Variants in GSTCD observed in about 807,000 individuals in gnomAD.
The protein encoded by GSTCD is glutathione S-transferase C-terminal domain containing.
Under a neutral mutation model 68.3 loss-of-function variants are expected in GSTCD, and 44 were observed. That is an observed-to-expected ratio of 0.64 (90% CI 0.51 to 0.83). The LOEUF is 0.83. GSTCD is among the 40% of genes least tolerant of loss of function. GSTCD has a pLI of 0.00. For missense variants in GSTCD, 739 were observed against 735.9 expected (o/e 1.00, Z -0.05); for synonymous variants, 273 against 255.2 (o/e 1.07, Z -0.67).
intron 5 of GSTCD, among the ~76,000 whole-genome samples, chr4:105,798,549 G>A (rs189354402): frequency 4.6e-5 from 7 of 152,284 alleles, no homozygotes; most frequent in Non-Finnish European, 8.8e-5. Context: ...ACCATGAGCT[G>A]CAGAATGGAT....
rs755995154 is a variant in GSTCD, at chr4:105,717,847, G to T, written c.234G>T (p.Arg78Ser). The T allele has an allele frequency of 2.5e-6, 4 of 1,614,062 alleles. No homozygotes were observed. The highest frequency in any genetic ancestry group is 3.4e-6 in the Non-Finnish European group (4 of 1,179,966). ...IQDVEIQIISRQELPPIVQNC... is the reference protein window; with the variant it reads ...IQDVEIQIISSQELPPIVQNC... ...ATGTTGAAATACAGATTATTTCAAG[G>T]CAGGAGCTCCCACCAATAGTCCAAA... is the stretch of plus-strand genomic sequence containing the variant. Residue 78 changes from arginine to serine, a missense_variant, in exon 2 of 12, where the codon AGG (arginine) becomes AGT (serine). Coordinates refer to ENST00000515279, the MANE Select transcript of GSTCD (RefSeq NM_001370181.1).
At chr4:105,777,739 G>T (rs1735124829) in intron 5 of GSTCD, among the ~76,000 whole-genome samples, 1 of 152,160 alleles carries the variant, frequency 6.6e-6, no homozygotes, top group Admixed American at 6.6e-5. Context: ...GCAAAATGGG[G>T]ATGTTAGTAA....
rs938396529 is a variant in GSTCD, at chr4:105,763,127, A to G, written c.1240+33628A>G. On this transcript the variant is annotated intron_variant, in intron 5 of 11. Transcript: ENST00000515279. ...TGGCTCATCAACTTGGAAATTTCACATAAGTAGATCAGAATTTAAGAGTGC... is the reference window on the plus strand; with the variant it reads ...TGGCTCATCAACTTGGAAATTTCACGTAAGTAGATCAGAATTTAAGAGTGC... 8.5e-5 allele frequency among the ~76,000 whole-genome samples: 13 copies of G among 152,202 alleles called. 1 individual carries two copies. Among genetic ancestry groups the G allele is most frequent in the Admixed American group, 8.5e-4 (13 of 15,266 alleles).
intron 5 of GSTCD, among the ~76,000 whole-genome samples, chr4:105,770,340 T>G (rs1053155315): frequency 6.6e-6 from 1 of 151,012 alleles, no homozygotes; most frequent in Non-Finnish European, 1.5e-5. Flanking sequence ...TAACAAAAAT[T>G]AACTGTCTGT....
At chr4:105,798,247 C>A (rs758078145) in intron 5 of GSTCD, among the ~76,000 whole-genome samples, 2 of 152,098 alleles carry the variant, frequency 1.3e-5, no homozygotes, top group Non-Finnish European at 2.9e-5. Flanking sequence ...AGTTCTCTTG[C>A]TATTTCCATT....
Position 105,719,176 on chromosome 4 carries a change from A to G in GSTCD, c.543A>G (p.Lys181=), listed in dbSNP as rs918422564. 3.1e-6 allele frequency: 5 copies of G among 1,614,134 alleles called. No homozygotes were observed. In the East Asian group the frequency reaches 8.9e-5, roughly 29 times the overall value. Residue 181 remains lysine (K), a synonymous_variant, in exon 3 of 12, where the codon AAA becomes AAG. Coordinates refer to ENST00000515279, the MANE Select transcript of GSTCD (RefSeq NM_001370181.1). ...TIPVEILQLE[K]KLSEPVRVHN... Reference sequence around the variant, plus strand: ...CTGTAGAAATACTACAGCTAGAGAAAAAGCTTAGTGAGCCTGTTAGAGTGC... The same window carrying G: ...CTGTAGAAATACTACAGCTAGAGAAGAAGCTTAGTGAGCCTGTTAGAGTGC...
At position 105,845,771 on chromosome 4, in the gene GSTCD, A is replaced by G. The variant is rs1391083220; in HGVS notation, c.*194A>G. 5.3e-6 allele frequency: 3 copies of G among 566,756 alleles called. No homozygotes were observed. Among genetic ancestry groups the G allele is most frequent in the Non-Finnish European group, 9.4e-6 (3 of 320,468 alleles). 35.1% of individuals were successfully genotyped at this position (566,756 alleles called of 1,614,324 possible). ...CATCACAAATGCTTTACAATGTGTG[A>G]TTAAAGGACTGCTGGTTTTTATAGT... On this transcript the variant is annotated 3_prime_UTR_variant, in exon 12 of 12. Transcript: ENST00000515279.
chr4:105,723,751 T>G (rs953431882), intron 3 of GSTCD, among the ~76,000 whole-genome samples: 1 of 151,700 alleles, frequency 6.6e-6, no homozygotes, highest in Non-Finnish European at 1.5e-5. Context: ...AAATAACTTA[T>G]AGGATGTGTA....
At chr4:105,806,154 A>G (rs182016567) in intron 5 of GSTCD, among the ~76,000 whole-genome samples, 72 of 152,230 alleles carry the variant, frequency 4.7e-4, no homozygotes, top group Non-Finnish European at 8.4e-4. Flanking sequence ...GACTTGTAAC[A>G]GTTGGTATAG....
chr4:105,714,632 G>C (rs528459884), intron 1 of GSTCD, among the ~76,000 whole-genome samples: 1 of 143,704 alleles, frequency 7.0e-6, no homozygotes, highest in South Asian at 2.1e-4. Flanking sequence ...TATTCAAGGA[G>C]AGTAATTTTT....
chr4:105,773,633 G>A (rs1181907836), intron 5 of GSTCD, among the ~76,000 whole-genome samples: 1 of 152,128 alleles, frequency 6.6e-6, no homozygotes, highest in Non-Finnish European at 1.5e-5. Context: ...AGTCACTCAG[G>A]AGCAGGTTGT....
intron 8 of GSTCD, among the ~76,000 whole-genome samples, chr4:105,834,016 G>A (rs1724011191): frequency 6.6e-6 from 1 of 152,170 alleles, no homozygotes; most frequent in Non-Finnish European, 1.5e-5. Context: ...TGGCATTTGA[G>A]GAAGTGTTTT....
At chr4:105,810,937 G>T (rs1223960566) in intron 5 of GSTCD, among the ~76,000 whole-genome samples, 1 of 152,092 alleles carries the variant, frequency 6.6e-6, no homozygotes, top group African/African-American at 2.4e-5. Context: ...CTGTGTCTTT[G>T]TTGACTCACT....
intron 5 of GSTCD, among the ~76,000 whole-genome samples, chr4:105,779,328 G>A (rs995848443): frequency 6.6e-6 from 1 of 152,140 alleles, no homozygotes; most frequent in African/African-American, 2.4e-5. Context: ...ATCAGGTGGT[G>A]CACTTGGAGC....
intron 5 of GSTCD, among the ~76,000 whole-genome samples, chr4:105,782,368 G>A (rs962506427): frequency 3.3e-5 from 5 of 151,992 alleles, no homozygotes; most frequent in African/African-American, 1.2e-4. Context: ...CATGGTGTGC[G>A]CACCTCCCAG....
chr4:105,788,172 CT>C (rs1735536079), intron 5 of GSTCD, among the ~76,000 whole-genome samples: 1 of 151,954 alleles, frequency 6.6e-6, no homozygotes, highest in Non-Finnish European at 1.5e-5. Context: ...TTCATAAATA[CT>C]TTATAAGGAT....
intron 5 of GSTCD, among the ~76,000 whole-genome samples, chr4:105,731,360 T>G (rs1733234103): frequency 6.6e-6 from 1 of 152,256 alleles, no homozygotes; most frequent in Non-Finnish European, 1.5e-5. Flanking sequence ...TTCCTATCCA[T>G]GAGCATGGAA....
At chr4:105,806,788 A>G (rs1315658859) in intron 5 of GSTCD, among the ~76,000 whole-genome samples, 1 of 152,132 alleles carries the variant, frequency 6.6e-6, no homozygotes, top group Non-Finnish European at 1.5e-5. Context: ...TTTTATCAGT[A>G]AACACACCAA....
intron 5 of GSTCD, among the ~76,000 whole-genome samples, chr4:105,780,395 TA>T (rs1735233306): frequency 6.6e-6 from 1 of 152,202 alleles, no homozygotes; most frequent in Non-Finnish European, 1.5e-5. Context: ...TGGCTAAGTT[TA>T]TGTATGTGTT....
Sources: allele counts gnomAD v4.1 joint callset (sites outside exome capture counted in the v4.1 genomes callset), GRCh38; gene constraint gnomAD v4.1.1; transcripts MANE v1.5; gene names NCBI Gene and HGNC (gene_info 2026-07-23, HGNC 2026-07-21).